The following ASTN2 variants were observed in gnomAD, a reference collection of about 807,000 sequenced individuals.
The protein encoded by ASTN2 is astrotactin 2, also known as astrotactin-2.
A neutral mutation model predicts 139.8 loss-of-function variants in ASTN2; 54 were observed. The observed-to-expected ratio is 0.39, with a 90% CI of 0.31 to 0.48. The LOEUF is 0.48. ASTN2 is among the 20% of genes least tolerant of loss of function. ASTN2 has a pLI of 0.95. For missense variants in ASTN2, 1,565 were observed against 1,725.1 expected, an observed-to-expected ratio of 0.91 and a Z score of 1.64; for synonymous variants, 756 against 719.5, an observed-to-expected ratio of 1.05 and a Z score of -0.81.
chr9:116,627,477 T>A (rs1283498295), intron 17 of ASTN2, among the ~76,000 whole-genome samples: 1 of 152,078 alleles, frequency 6.6e-6, no homozygotes, highest in Non-Finnish European at 1.5e-5. Flanking sequence ...TGGTCCTGGG[T>A]TCAAGCCACC....
intron 3 of ASTN2, among the ~76,000 whole-genome samples, chr9:117,171,568 C>T (rs1240097673): frequency 6.6e-6 from 1 of 152,042 alleles, no homozygotes; most frequent in Non-Finnish European, 1.5e-5. Flanking sequence ...AATGGAGGGA[C>T]CTGGTGGGAA....
Position 116,491,486 on chromosome 9 carries a change from G to A in ASTN2, c.3356-3986C>T, listed in dbSNP as rs189795169. Among the ~76,000 whole-genome samples, 256 of 152,212 alleles carry A rather than the reference G, an allele frequency of 1.7e-3. 1 individual carries two copies. The highest frequency in any genetic ancestry group is 5.8e-3 in the African/African-American group (241 of 41,548). On this transcript the variant is annotated intron_variant, in intron 19 of 22. Coordinates refer to ENST00000313400, the MANE Select transcript of ASTN2 (RefSeq NM_001365068.1). ...CTATTCAATTTGCAATTGAATTCCC[G>A]CCACACTCTTAGCTTGAGGAATGAG...
At chr9:117,225,535 G>GTATATATATA (rs58184768) in intron 2 of ASTN2, among the ~76,000 whole-genome samples, 9 of 63,960 alleles carry the variant, frequency 1.4e-4, no homozygotes, top group African/African-American at 3.5e-4. Flanking sequence ...CAAGCTGTAT[G>GTATATATATA]TATATATATA....
Position 116,687,162 on chromosome 9 carries a change from G to A in ASTN2, c.2807-35369C>T, listed in dbSNP as rs1860273880. 4.7e-6 allele frequency: 5 copies of A among 1,070,496 alleles called. 1 individual carries two copies. The highest frequency in any genetic ancestry group is 6.1e-5 in the South Asian group (2 of 32,794). The allele number at this position is 1,070,496 out of a possible 1,614,324, so 66.3% of individuals were successfully genotyped here. On this transcript the variant is annotated intron_variant, in intron 16 of 22. Coordinates refer to ENST00000313400, the MANE Select transcript of ASTN2 (RefSeq NM_001365068.1). ...CTGGATTACGTGTCGCTAAGGCCCC[G>A]GGTTCTCAGAGGAAAGCTCACCCCT...
chr9:116,466,371 T>G lies in ASTN2; in HGVS notation c.3497+20988A>C, dbSNP rs1163934807. Among the ~76,000 whole-genome samples the G allele has an allele frequency of 2.0e-5, 3 of 152,322 alleles. No individual in the cohort carries two copies. The South Asian group carries it at 6.2e-4, about 32-fold the overall frequency. On this transcript the variant is annotated intron_variant, in intron 20 of 22. Transcript: ENST00000313400. ...CAGCCACCTTCTCTTATCTCTGCTC[T>G]GCAACAATGAGTCTTGACGTCATTG...
intron 1 of ASTN2, among the ~76,000 whole-genome samples, chr9:117,362,524 C>T (rs1829721093): frequency 6.6e-6 from 1 of 152,074 alleles, no homozygotes; most frequent in African/African-American, 2.4e-5. Flanking sequence ...TGACCTGTGG[C>T]CTCAACAGTG....
intron 2 of ASTN2, among the ~76,000 whole-genome samples, chr9:117,269,469 T>A (rs1326612086): frequency 3.9e-5 from 6 of 152,176 alleles, no homozygotes; most frequent in Non-Finnish European, 1.5e-5. Context: ...GGGAGGTTTT[T>A]TATAGAAATG....
chr9:116,675,054 G>A (rs1001973472), intron 16 of ASTN2, among the ~76,000 whole-genome samples: 1 of 152,140 alleles, frequency 6.6e-6, no homozygotes, highest in African/African-American at 2.4e-5. Flanking sequence ...TCAGGGGCTT[G>A]TCCAGGATTG....
intron 1 of ASTN2, among the ~76,000 whole-genome samples, chr9:117,318,260 C>A (rs556919078): frequency 4.5e-4 from 69 of 152,098 alleles, no homozygotes; most frequent in Non-Finnish European, 7.9e-4. Flanking sequence ...AATATGGGGA[C>A]ACTGATAATG....
chr9:116,623,659 A>G (rs185460402), intron 17 of ASTN2, among the ~76,000 whole-genome samples: 2 of 152,220 alleles, frequency 1.3e-5, no homozygotes, highest in Non-Finnish European at 2.9e-5. Flanking sequence ...TGCTGGACCA[A>G]GGTGATAGAA....
chr9:117,048,963 C>CTTTTTTTTTT (rs372277811), intron 5 of ASTN2, among the ~76,000 whole-genome samples: 10,683 of 88,230 alleles, frequency 0.12, 2,249 homozygotes, highest in Non-Finnish European at 0.15. Flanking sequence ...TCATCCATTG[C>CTTTTTTTTTT]TTTTTTTTTT....
intron 2 of ASTN2, among the ~76,000 whole-genome samples, chr9:117,238,878 A>G (rs976519085): frequency 9.2e-5 from 14 of 152,230 alleles, no homozygotes; most frequent in Admixed American, 9.2e-4. Context: ...TGCCAAGTAG[A>G]AATAAACAAG....
chr9:116,792,176 A>G (rs1830577275), intron 13 of ASTN2, among the ~76,000 whole-genome samples: 1 of 152,176 alleles, frequency 6.6e-6, no homozygotes, highest in Non-Finnish European at 1.5e-5. Flanking sequence ...CATTAAAAAA[A>G]TAATAATAAT....
At chr9:116,906,458 CA>C (rs1283474449) in intron 10 of ASTN2, among the ~76,000 whole-genome samples, 2 of 148,148 alleles carry the variant, frequency 1.3e-5, no homozygotes, top group African/African-American at 5.0e-5. Context: ...CCAGCCCCCC[CA>C]GACACTTTTG....
At chr9:116,998,561 C>CCATCCATCCATCCATCCATCCATA (rs1554767986) in intron 7 of ASTN2, among the ~76,000 whole-genome samples, 17 of 151,960 alleles carry the variant, frequency 1.1e-4, no homozygotes, top group Non-Finnish European at 1.5e-4. Context: ...ATCCATCCAT[C>CCATCCATCCATCCATCCATCCATA]CATCCATCCA....
chr9:116,812,986 G>C lies in ASTN2; in HGVS notation c.2208-7166C>G, dbSNP rs115477827. ...CCGAGCCACCTAAGGGCATAGGAAGGTTTATGCTAAGGTCTATTTAGTTGT... is the reference window on the plus strand; with the variant it reads ...CCGAGCCACCTAAGGGCATAGGAAGCTTTATGCTAAGGTCTATTTAGTTGT... On this transcript the variant is annotated intron_variant, in intron 12 of 22. Transcript: ENST00000313400. Among the ~76,000 whole-genome samples the C allele has an allele frequency of 8.7e-3, 1,321 of 152,114 alleles. 29 individuals are homozygous for C. The highest frequency in any genetic ancestry group is 0.03 in the African/African-American group (1,255 of 41,494).
intron 19 of ASTN2, among the ~76,000 whole-genome samples, chr9:116,490,303 A>AAAAAAAAAAAAAAAAAAAAG (rs1564314423): frequency 1.9e-5 from 2 of 104,578 alleles, no homozygotes; most frequent in Admixed American, 1.0e-4. Context: ...AAAAAAAAAA[A>AAAAAAAAAAAAAAAAAAAAG]GGGGGCATTG....
At position 116,725,727 on chromosome 9, in the gene ASTN2, A is replaced by G. The variant is rs115034846; in HGVS notation, c.2806+44T>C. On this transcript the variant is annotated intron_variant, in intron 16 of 22. Transcript: ENST00000313400. ...TTGTCTCCCCAGACCCCTTGCCTCTATAGCCTGCCTGGCCACCTCCTACAG... is the reference window on the plus strand; with the variant it reads ...TTGTCTCCCCAGACCCCTTGCCTCTGTAGCCTGCCTGGCCACCTCCTACAG... The G allele has an allele frequency of 3.2e-4, 515 of 1,590,130 alleles. 2 individuals are homozygous for G. In the African/African-American group the frequency reaches 6.4e-3, roughly 20 times the overall value.
intron 11 of ASTN2, among the ~76,000 whole-genome samples, chr9:116,838,589 A>ATTT (rs34871450): frequency 2.2e-4 from 29 of 130,124 alleles, no homozygotes; most frequent in African/African-American, 4.5e-4. Context: ...ATGCCCAGCA[A>ATTT]TTTTTTTTTT....
Sources: gnomAD v4.1 joint callset for allele counts (sites outside exome capture counted in the v4.1 genomes callset) on GRCh38, gnomAD v4.1.1 for gene constraint, MANE v1.5 for transcripts, NCBI Gene and HGNC (gene_info 2026-07-23, HGNC 2026-07-21) for gene names.